TSEN2: variants seen among roughly 807,000 people sequenced by gnomAD.
The protein encoded by TSEN2 is tRNA-splicing endonuclease subunit Sen2.
Under a neutral mutation model 59.2 loss-of-function variants are expected in TSEN2, and 54 were observed. That is an observed-to-expected ratio of 0.91 (90% CI 0.73 to 1.14). The LOEUF (loss-of-function observed/expected upper bound fraction) is 1.14. TSEN2 is among the 50% of genes most tolerant of loss of function. The pLI is 0.00. For missense variants in TSEN2, 636 were observed against 576.2 expected (o/e 1.10, Z -1.06); for synonymous variants, 195 against 198.2 (o/e 0.98, Z 0.14).
rs1276698410 is a variant in TSEN2, at chr3:12,489,957, A to G, written c.157A>G (p.Asn53Asp). ...EMINNNVIVRNAEDIEQLYGK... is the reference protein window; with the variant it reads ...EMINNNVIVRDAEDIEQLYGK... ...GATTAACAACAATGTGATTGTGAGG[A>G]ATGCGGAGGACATTGAGCAGCTCTA... Residue 53 changes from asparagine to aspartate, a missense_variant, in exon 2 of 12, where the codon AAT becomes GAT. By Grantham distance (23) the Asn-to-Asp change is conservative. Transcript: ENST00000284995. 1 of 1,614,214 alleles carries G rather than the reference A, an allele frequency of 6.2e-7. No homozygotes were observed. Among genetic ancestry groups the G allele is most frequent in the Admixed American group, 1.7e-5 (1 of 60,032 alleles).
chr3:12,516,411 TGAGA>T (rs1348242387), intron 6 of TSEN2, among the ~76,000 whole-genome samples, 196 bp from the exon 7 acceptor site: 23 of 150,320 alleles, frequency 1.5e-4, no homozygotes, highest in African/African-American at 4.4e-4. Flanking sequence ...GACGACAGAG[TGAGA>T]CTCCGTTTCA....
At chr3:12,490,376 C>G (rs1221785218) in intron 2 of TSEN2, among the ~76,000 whole-genome samples, 1 of 152,194 alleles carries the variant, frequency 6.6e-6, no homozygotes, top group Non-Finnish European at 1.5e-5. Context: ...CCAGAGGTAG[C>G]CACAGCGTGG....
rs1457738333 is a variant in TSEN2, at chr3:12,526,659, G to T, written c.1100-2229G>T. Among the ~76,000 whole-genome samples, 2 of 152,200 alleles carry T rather than the reference G, an allele frequency of 1.3e-5. 1 individual carries two copies. Among genetic ancestry groups the T allele is most frequent in the Admixed American group, 1.3e-4 (2 of 15,278 alleles). ...CATAGGTAACTTTGTGATGCTTACT[G>T]TATGCCATACACCGTGCTAATACTT... On this transcript the variant is annotated intron_variant, in intron 8 of 11. Transcript: ENST00000284995.
At chr3:12,525,397 A>G (rs112603288) in intron 8 of TSEN2, among the ~76,000 whole-genome samples, 1 of 152,266 alleles carries the variant, frequency 6.6e-6, no homozygotes. Context: ...AGTAGATACC[A>G]TAAGTATAAT....
chr3:12,510,020 TAAACTGTTTTTTAC>T (rs2055267081), intron 6 of TSEN2, among the ~76,000 whole-genome samples: 1 of 152,232 alleles, frequency 6.6e-6, no homozygotes, highest in Non-Finnish European at 1.5e-5. Context: ...CAAGGAGGTA[TAAACTGTTTTTTAC>T]TTGATACTGA....
rs1176258163 is a variant in TSEN2 at position 12,516,594 on chromosome 3, G to C, written c.910-17G>C. 1.9e-6 allele frequency: 3 copies of C among 1,613,456 alleles called. No homozygotes were observed. The highest frequency in any genetic ancestry group is 2.5e-6 in the Non-Finnish European group (3 of 1,179,708). ...AAACTATTTGTAATGAGCATTTTCT[G>C]CTTGCTGTATTTTCAGGCCTTTTTC... On this transcript the variant is annotated splice_polypyrimidine_tract_variant and intron_variant, in intron 6 of 11. Coordinates refer to ENST00000284995, the MANE Select transcript of TSEN2 (RefSeq NM_025265.4).
At chr3:12,503,832 G>T in intron 5 of TSEN2, 48 bp downstream of exon 5, 1 of 1,587,308 alleles carries the variant, frequency 6.3e-7, no homozygotes, top group South Asian at 1.1e-5. Flanking sequence ...TCCGTTCCTG[G>T]AGATGTTGGC....
chr3:12,526,110 G>A (rs1400180702), intron 8 of TSEN2, among the ~76,000 whole-genome samples: 1 of 151,980 alleles, frequency 6.6e-6, no homozygotes, highest in African/African-American at 2.4e-5. Context: ...AGGACAAGGC[G>A]AACGGATCCT....
At chr3:12,506,552 G>C (rs904267188) in intron 6 of TSEN2, among the ~76,000 whole-genome samples, 2 of 149,452 alleles carry the variant, frequency 1.3e-5, no homozygotes, top group Non-Finnish European at 3.0e-5. Flanking sequence ...CCGAGGTCAC[G>C]CCACTGCACA....
chr3:12,530,801 A>G (rs2057407600), intron 10 of TSEN2: 2 of 974,026 alleles, frequency 2.1e-6, no homozygotes, highest in Non-Finnish European at 2.4e-6. Flanking sequence ...GTTCTTGGAA[A>G]CTGCAACTTT....
At position 12,496,926 on chromosome 3, in the gene TSEN2, A is replaced by G. The variant is rs560903620; in HGVS notation, c.308+372A>G. Among the ~76,000 whole-genome samples the G allele has an allele frequency of 3.9e-5, 6 of 152,270 alleles. No individual in the cohort carries two copies. In the East Asian group the frequency reaches 9.7e-4, roughly 25 times the overall value. ...CCAGCTACACTGTAGGGTCAGAGAA[A>G]GAGGCTTTCACAGAGGCCCTTCCTC... On this transcript the variant is annotated intron_variant, in intron 4 of 11. Coordinates refer to ENST00000284995, the MANE Select transcript of TSEN2 (RefSeq NM_025265.4).
At position 12,508,784 on chromosome 3, in the gene TSEN2, T is replaced by C. The variant is rs565537988; in HGVS notation, c.909+3553T>C. 4.4e-4 allele frequency among the ~76,000 whole-genome samples: 67 copies of C among 152,382 alleles called. No homozygotes were observed. The South Asian group carries it at 8.7e-3, about 20-fold the overall frequency. On this transcript the variant is annotated intron_variant, in intron 6 of 11. Coordinates refer to ENST00000284995, the MANE Select transcript of TSEN2 (RefSeq NM_025265.4). ...CTGAGTAGTTATTTCTGAAGAGTTCTGTCTCCATCCGTCTTCTGCATCCTT... is the reference window on the plus strand; with the variant it reads ...CTGAGTAGTTATTTCTGAAGAGTTCCGTCTCCATCCGTCTTCTGCATCCTT...
chr3:12,530,894 C>A (rs1249639335), intron 10 of TSEN2: 2 of 289,252 alleles, frequency 6.9e-6, no homozygotes, highest in Non-Finnish European at 1.0e-5. Flanking sequence ...TGCTGTACAT[C>A]TGTATTAGTC....
At chr3:12,522,892 C>G (rs1431274117) in intron 8 of TSEN2, among the ~76,000 whole-genome samples, 2 of 152,198 alleles carry the variant, frequency 1.3e-5, no homozygotes, top group African/African-American at 4.8e-5. Flanking sequence ...CTTACACTCC[C>G]TACTCAGCAG....
downstream of TSEN2, among the ~76,000 whole-genome samples, chr3:12,537,274 C>G (rs2057694152): frequency 6.6e-6 from 1 of 151,860 alleles, no homozygotes; most frequent in Non-Finnish European, 1.5e-5. Context: ...TAGCATGCAT[C>G]TGTAGTCCCA....
At chr3:12,506,929 T>C (rs1212286459) in intron 6 of TSEN2, 1 of 924,638 alleles carries the variant, frequency 1.1e-6, no homozygotes. Context: ...GCGCCGTGGC[T>C]CACACCTGTA....
chr3:12,526,714 A>T (rs1285082886), intron 8 of TSEN2, among the ~76,000 whole-genome samples: 1 of 152,234 alleles, frequency 6.6e-6, no homozygotes, highest in Non-Finnish European at 1.5e-5. Context: ...CATTTTTATA[A>T]GGAAATTGAC....
intron 6 of TSEN2, chr3:12,511,118 A>G (rs908302707): frequency 1.3e-4 from 20 of 152,356 alleles, no homozygotes; most frequent in African/African-American, 4.8e-4. Context: ...CAGTATTCCC[A>G]GGCAGTCTCC....
chr3:12,503,678 A>T lies in TSEN2; in HGVS notation c.725A>T (p.His242Leu). 6.2e-7 allele frequency: 1 copy of T among 1,609,898 alleles called. No individual in the cohort carries two copies. Among genetic ancestry groups the T allele is most frequent in the Non-Finnish European group, 8.5e-7 (1 of 1,177,956 alleles). ...CTTCATCATGAAGACGGCAGCCAGCACATCGGCCTCCTGCATCCTGGGGAC... is the reference window on the plus strand; with the variant it reads ...CTTCATCATGAAGACGGCAGCCAGCTCATCGGCCTCCTGCATCCTGGGGAC... ...RGLHHEDGSQHIGLLHPGDRG... is the reference protein window; with the variant it reads ...RGLHHEDGSQLIGLLHPGDRG... The change falls in exon 5 of 12, where the codon CAC (histidine) becomes CTC (leucine). Residue 242 changes from histidine (H) to leucine (L), a missense_variant. Transcript: ENST00000284995.
Sources: gnomAD v4.1 joint callset for allele counts (sites outside exome capture counted in the v4.1 genomes callset) on GRCh38, gnomAD v4.1.1 for gene constraint, MANE v1.5 for transcripts, NCBI Gene and HGNC (gene_info 2026-07-23, HGNC 2026-07-21) for gene names.